COMMD10: variants seen among roughly 807,000 people sequenced by gnomAD.
COMMD10 encodes COMM domain-containing protein 10.
A neutral mutation model predicts 28.9 loss-of-function variants in COMMD10; 33 were observed. The observed-to-expected ratio is 1.14, with a 90% CI of 0.87 to 1.53. The LOEUF (loss-of-function observed/expected upper bound fraction) is 1.53. COMMD10 is among the 40% of genes most tolerant of loss of function. The pLI is 0.00. For synonymous variants in COMMD10, 110 were observed against 81.7 expected, an observed-to-expected ratio of 1.35 and a Z score of -1.87; for missense variants, 310 against 233.4, an observed-to-expected ratio of 1.33 and a Z score of -2.14.
chr5:116,236,945 A>G (rs1302900332), intron 5 of COMMD10, among the ~76,000 whole-genome samples: 1 of 152,106 alleles, frequency 6.6e-6, no homozygotes, highest in Non-Finnish European at 1.5e-5. Context: ...TGCGAAACTA[A>G]AGCCGATCTA....
chr5:116,250,161 A>G (rs1318621644), intron 5 of COMMD10, among the ~76,000 whole-genome samples: 1 of 149,352 alleles, frequency 6.7e-6, no homozygotes, highest in Non-Finnish European at 1.5e-5. Context: ...AGCTAATTCA[A>G]TCGCTGTGAT....
intron 4 of COMMD10, among the ~76,000 whole-genome samples, chr5:116,132,337 GGAAATTGA>G: frequency 6.6e-6 from 1 of 152,124 alleles, no homozygotes; most frequent in East Asian, 1.9e-4. Context: ...TTTTATATGA[GGAAATTGA>G]GATCTTGAAA....
intron 4 of COMMD10, among the ~76,000 whole-genome samples, chr5:116,119,690 C>T (rs775065872): frequency 3.9e-5 from 6 of 152,102 alleles, no homozygotes; most frequent in African/African-American, 9.7e-5. Flanking sequence ...TAGCTCACTG[C>T]AGCCTTAAAC....
chr5:116,224,863 T>C (rs1033642887), intron 5 of COMMD10, among the ~76,000 whole-genome samples: 1 of 152,246 alleles, frequency 6.6e-6, no homozygotes, highest in African/African-American at 2.4e-5. Flanking sequence ...GAGTATTTGA[T>C]AGTTCATGGT....
At chr5:116,266,020 C>G (rs1750576095) in intron 5 of COMMD10, among the ~76,000 whole-genome samples, 1 of 151,640 alleles carries the variant, frequency 6.6e-6, no homozygotes. Flanking sequence ...CATTGGTGCT[C>G]AGAAAGAGAT....
chr5:116,101,303 T>C (rs911893597), intron 4 of COMMD10, among the ~76,000 whole-genome samples: 1 of 152,224 alleles, frequency 6.6e-6, no homozygotes, highest in African/African-American at 2.4e-5. Context: ...TTTTAGTTAT[T>C]TGAGCAATCT....
chr5:116,087,910 G>T (rs1022203423), intron 2 of COMMD10, among the ~76,000 whole-genome samples: 1 of 152,068 alleles, frequency 6.6e-6, no homozygotes, highest in Non-Finnish European at 1.5e-5. Context: ...TATATTTTGG[G>T]ACTAAAGTTC....
intron 5 of COMMD10, among the ~76,000 whole-genome samples, chr5:116,236,472 C>T (rs1430891574): frequency 2.1e-5 from 3 of 140,656 alleles, no homozygotes; most frequent in Non-Finnish European, 4.5e-5. Flanking sequence ...CTACTGCACT[C>T]TAGCCTGGGT....
chr5:116,105,369 A>C (rs1361010179), intron 4 of COMMD10, among the ~76,000 whole-genome samples: 1 of 152,080 alleles, frequency 6.6e-6, no homozygotes, highest in Non-Finnish European at 1.5e-5. Context: ...CTGGTATTTT[A>C]TTGAGGATTT....
intron 5 of COMMD10, among the ~76,000 whole-genome samples, chr5:116,171,676 C>T (rs963942773): frequency 6.6e-6 from 1 of 152,060 alleles, no homozygotes; most frequent in Non-Finnish European, 1.5e-5. Context: ...ATGTCCTTTG[C>T]AGCATCATGG....
intron 5 of COMMD10, among the ~76,000 whole-genome samples, chr5:116,245,244 AG>A (rs1333326503): frequency 6.6e-6 from 1 of 152,110 alleles, no homozygotes; most frequent in Non-Finnish European, 1.5e-5. Context: ...TAGAACATCT[AG>A]AAGCAATGGA....
In COMMD10 at chr5:116,292,548, G is replaced by A; in HGVS notation, c.*59G>A. ...TGCCACCTCATTATTTTGCATTGAAGATACATTGCCAGGTTGTGTTTTCTG... is the reference window on the plus strand; with the variant it reads ...TGCCACCTCATTATTTTGCATTGAAAATACATTGCCAGGTTGTGTTTTCTG... On this transcript the variant is annotated 3_prime_UTR_variant, in exon 7 of 7. Coordinates refer to ENST00000274458, the MANE Select transcript of COMMD10 (RefSeq NM_016144.4). The A allele has an allele frequency of 7.1e-7, 1 of 1,414,838 alleles. No individual in the cohort carries two copies. 87.6% of individuals were successfully genotyped at this position (1,414,838 alleles called of 1,614,324 possible).
intron 5 of COMMD10, among the ~76,000 whole-genome samples, chr5:116,168,544 G>C (rs936183434): frequency 6.6e-6 from 1 of 151,958 alleles, no homozygotes; most frequent in Non-Finnish European, 1.5e-5. Flanking sequence ...TCTCAGCACT[G>C]CATCCCGCAC....
chr5:116,219,714 A>G (rs1003369122), intron 5 of COMMD10, among the ~76,000 whole-genome samples: 1 of 152,218 alleles, frequency 6.6e-6, no homozygotes, highest in Admixed American at 6.5e-5. Flanking sequence ...TTGAGTTTGT[A>G]GTAATTTGTT....
intron 5 of COMMD10, among the ~76,000 whole-genome samples, chr5:116,205,356 C>A (rs1748785252): frequency 6.6e-6 from 1 of 152,062 alleles, no homozygotes; most frequent in African/African-American, 2.4e-5. Context: ...TACATTAAAT[C>A]TTAATTAGTA....
chr5:116,116,703 A>ATTT (rs70978604), intron 4 of COMMD10, among the ~76,000 whole-genome samples: 4 of 121,556 alleles, frequency 3.3e-5, no homozygotes, highest in Non-Finnish European at 5.3e-5. Flanking sequence ...AAATGCAGAG[A>ATTT]TTTTTTTTTT....
At chr5:116,135,982 G>A (rs1752014488) in intron 5 of COMMD10, among the ~76,000 whole-genome samples, 1 of 152,180 alleles carries the variant, frequency 6.6e-6, no homozygotes, top group Non-Finnish European at 1.5e-5. Flanking sequence ...CCTAGTATAT[G>A]TAAAGTGTTT....
At chr5:116,231,245 T>TA (rs1452406287) in intron 5 of COMMD10, among the ~76,000 whole-genome samples, 1 of 152,194 alleles carries the variant, frequency 6.6e-6, no homozygotes, top group Non-Finnish European at 1.5e-5. Context: ...GATATCTTGT[T>TA]AATAAATTTA....
chr5:116,162,919 A>G (rs989968418), intron 5 of COMMD10, among the ~76,000 whole-genome samples: 13 of 152,158 alleles, frequency 8.5e-5, no homozygotes, highest in African/African-American at 2.7e-4. Flanking sequence ...GTATCTGACA[A>G]AAATGGAGCA....
Sources: allele counts gnomAD v4.1 joint callset (sites outside exome capture counted in the v4.1 genomes callset), GRCh38; gene constraint gnomAD v4.1.1; transcripts MANE v1.5; gene names NCBI Gene and HGNC (gene_info 2026-07-23, HGNC 2026-07-21).